Variants in SGCZ observed in about 807,000 individuals in gnomAD.
SGCZ encodes zeta-sarcoglycan.
In SGCZ, 40 loss-of-function variants were observed where a neutral mutation model predicts 41.3. The observed-to-expected ratio is 0.97, with a 90% CI of 0.75 to 1.26. SGCZ has a LOEUF of 1.26. SGCZ is among the 50% of genes most tolerant of loss of function. The pLI is 0.00. For synonymous variants in SGCZ, 206 were observed against 137.5 expected, an observed-to-expected ratio of 1.50 and a Z score of -3.49; for missense variants, 552 against 369.8, an observed-to-expected ratio of 1.49 and a Z score of -4.04.
intron 1 of SGCZ, among the ~76,000 whole-genome samples, chr8:14,817,480 C>T (rs1468501532): frequency 6.6e-6 from 1 of 152,164 alleles, no homozygotes; most frequent in Non-Finnish European, 1.5e-5. Flanking sequence ...GCTGCTACAG[C>T]ACAGCACCAT....
chr8:14,375,358 A>G (rs1278573560), intron 2 of SGCZ, among the ~76,000 whole-genome samples: 2 of 152,188 alleles, frequency 1.3e-5, no homozygotes, highest in Non-Finnish European at 1.5e-5. Context: ...GAGTATAAGA[A>G]AGGTCAAGTG....
Position 14,443,671 on chromosome 8 carries a change from T to A in SGCZ, c.234+111061A>T, listed in dbSNP as rs192106077. Reference sequence around the variant, plus strand: ...ATATAAAAATTAATTCAAGATGGATTAAAGACTGAAACGTTAGACCTAAAA... The same window carrying A: ...ATATAAAAATTAATTCAAGATGGATAAAAGACTGAAACGTTAGACCTAAAA... On this transcript the variant is annotated intron_variant, in intron 2 of 7. Coordinates refer to ENST00000382080, the MANE Select transcript of SGCZ (RefSeq NM_139167.4). Among the ~76,000 whole-genome samples, 640 of 152,234 alleles carry A rather than the reference T, an allele frequency of 4.2e-3. 4 individuals carry two copies. The highest frequency in any genetic ancestry group is 6.8e-3 in the Middle Eastern group (2 of 294).
At chr8:14,349,267 C>T (rs1314600370) in intron 2 of SGCZ, among the ~76,000 whole-genome samples, 1 of 152,092 alleles carries the variant, frequency 6.6e-6, no homozygotes, top group South Asian at 2.1e-4. Flanking sequence ...CCTTCAATTC[C>T]CTTTTTCTCC....
In SGCZ at chr8:14,617,815, TG is replaced by T. The variant is rs1230274825; in HGVS notation, c.40-62890del. On this transcript the variant is annotated intron_variant, in intron 1 of 7. Coordinates refer to ENST00000382080, the MANE Select transcript of SGCZ (RefSeq NM_139167.4). ...GAAAGATAGTGCATGTTGAAGAAGA[TG>T]GAAAAGTAAGTTTTTATAATTTTTT... Among the ~76,000 whole-genome samples, 13 of 151,492 alleles carry T rather than the reference TG, an allele frequency of 8.6e-5. No homozygotes were observed. In the East Asian group the frequency reaches 2.5e-3, roughly 30 times the overall value.
chr8:14,525,346 A>T (rs185866088), intron 2 of SGCZ, among the ~76,000 whole-genome samples: 96 of 152,272 alleles, frequency 6.3e-4, no homozygotes, highest in African/African-American at 2.2e-3. Flanking sequence ...TGGACTAAAA[A>T]TAATGTTTTG....
chr8:14,161,959 G>C (rs545686555), intron 5 of SGCZ, among the ~76,000 whole-genome samples: 1 of 152,056 alleles, frequency 6.6e-6, no homozygotes, highest in African/African-American at 2.4e-5. Context: ...AAGGGAGAGA[G>C]AGAGAAAGAT....
chr8:14,659,522 T>G (rs1265321224), intron 1 of SGCZ, among the ~76,000 whole-genome samples: 1 of 152,206 alleles, frequency 6.6e-6, no homozygotes, highest in African/African-American at 2.4e-5. Flanking sequence ...AATTACATAT[T>G]ATACTATTCA....
chr8:14,300,630 A>G (rs1334740979), intron 3 of SGCZ, among the ~76,000 whole-genome samples: 1 of 152,050 alleles, frequency 6.6e-6, no homozygotes, highest in East Asian at 1.9e-4. Flanking sequence ...GTGCCTCACA[A>G]TAAGTAATCG....
In SGCZ at chr8:14,662,310, G is replaced by C. The variant is rs140674431; in HGVS notation, c.40-107384C>G. ...GTTATTTCCAATTTTTGATTTGTCT[G>C]TTTCTGTGATTTCAAGAAAGTTAAA... On this transcript the variant is annotated intron_variant, in intron 1 of 7. Transcript: ENST00000382080. 2.4e-3 allele frequency among the ~76,000 whole-genome samples: 360 copies of C among 152,256 alleles called. 1 individual carries two copies. Among genetic ancestry groups the C allele is most frequent in the African/African-American group, 8.4e-3 (349 of 41,556 alleles).
intron 1 of SGCZ, among the ~76,000 whole-genome samples, chr8:15,104,822 A>C (rs527364851): frequency 6.6e-6 from 1 of 152,294 alleles, no homozygotes; most frequent in South Asian, 2.1e-4. Flanking sequence ...ACCCATTTAC[A>C]TGGTTTCATT....
chr8:14,682,495 T>G (rs12541882), intron 1 of SGCZ, among the ~76,000 whole-genome samples: 1 of 149,880 alleles, frequency 6.7e-6, no homozygotes, highest in Non-Finnish European at 1.5e-5. Flanking sequence ...AGTGCAGTGG[T>G]GCAATCACGG....
chr8:15,098,735 T>C lies in SGCZ; in HGVS notation c.39+138850A>G, dbSNP rs188875647. 5.3e-3 allele frequency among the ~76,000 whole-genome samples: 814 copies of C among 152,316 alleles called. 6 individuals are homozygous for C. Among genetic ancestry groups the C allele is most frequent in the African/African-American group, 0.019 (791 of 41,578 alleles). ...AATATAAATTGTGGTACTCAATAAA[T>C]ACTTGATCAAATACATGAATGAATA... On this transcript the variant is annotated intron_variant, in intron 1 of 7. Transcript: ENST00000382080.
intron 1 of SGCZ, among the ~76,000 whole-genome samples, chr8:15,101,840 G>A (rs934006369): frequency 1.3e-5 from 2 of 152,198 alleles, no homozygotes; most frequent in South Asian, 4.1e-4. Context: ...CAGGAGAATT[G>A]CTTGAACCGG....
At chr8:14,744,756 G>C (rs1174301625) in intron 1 of SGCZ, among the ~76,000 whole-genome samples, 3 of 152,144 alleles carry the variant, frequency 2.0e-5, no homozygotes, top group Non-Finnish European at 2.9e-5. Context: ...TATTGCTGAA[G>C]AAATACCTTT....
intron 3 of SGCZ, among the ~76,000 whole-genome samples, chr8:14,280,689 G>A (rs1215734190): frequency 4.0e-5 from 6 of 151,680 alleles, no homozygotes; most frequent in Non-Finnish European, 5.9e-5. Flanking sequence ...CTTGTGGTGA[G>A]AAAAATAATT....
At chr8:14,867,360 C>T (rs1803969867) in intron 1 of SGCZ, among the ~76,000 whole-genome samples, 1 of 152,010 alleles carries the variant, frequency 6.6e-6, no homozygotes, top group South Asian at 2.1e-4. Context: ...CACTGTTGGG[C>T]ATTTAGGTTG....
chr8:15,097,731 A>T (rs1191088914), intron 1 of SGCZ, among the ~76,000 whole-genome samples: 3 of 131,350 alleles, frequency 2.3e-5, no homozygotes, highest in Non-Finnish European at 4.7e-5. Context: ...CTTATAAAAA[A>T]AAAAATATAT....
At chr8:14,653,505 G>A (rs892383277) in intron 1 of SGCZ, among the ~76,000 whole-genome samples, 1 of 151,954 alleles carries the variant, frequency 6.6e-6, no homozygotes. Context: ...ATTCAGTAGC[G>A]CTGCATTACA....
At chr8:14,917,560 G>A (rs187795918) in intron 1 of SGCZ, among the ~76,000 whole-genome samples, 2 of 151,964 alleles carry the variant, frequency 1.3e-5, no homozygotes, top group African/African-American at 2.4e-5. Flanking sequence ...ACATTTCATG[G>A]TGGTCTATTG....
Sources: gnomAD v4.1 joint callset for allele counts (sites outside exome capture counted in the v4.1 genomes callset) on GRCh38, gnomAD v4.1.1 for gene constraint, MANE v1.5 for transcripts, NCBI Gene and HGNC (gene_info 2026-07-23, HGNC 2026-07-21) for gene names.